Variants in TRAK1 observed in about 807,000 individuals in gnomAD.
TRAK1 encodes the protein trafficking kinesin-binding protein 1.
In TRAK1, 33 loss-of-function variants were observed where a neutral mutation model predicts 92.1. The ratio of observed to expected loss-of-function variants is 0.36; its 90% CI spans 0.27 to 0.48. The LOEUF is 0.48. Among genes scored for constraint, TRAK1 ranks in the 20% least tolerant of loss-of-function variants. TRAK1 has a pLI of 0.99. For missense variants in TRAK1, 1,123 were observed against 1,257.9 expected (o/e 0.89, Z 1.62); for synonymous variants, 521 against 517.3 (o/e 1.01, Z -0.10).
chr3:42,210,213 C>CT (rs1559392798), intron 14 of TRAK1: 4 of 1,544,134 alleles, frequency 2.6e-6, no homozygotes, highest in Non-Finnish European at 3.5e-6. Context: ...AGGCACCATC[C>CT]GTAGTGGTTC....
In TRAK1 at chr3:42,149,626, C is replaced by T. The variant is rs1397534249; in HGVS notation, c.286+24012C>T. ...TAATTATGGCCCCTGCAAAACAGAG[C>T]CGGGATGTATAGGGGTATTGTCTCC... On this transcript the variant is annotated intron_variant, in intron 2 of 15. Coordinates refer to ENST00000327628, the MANE Select transcript of TRAK1 (RefSeq NM_001042646.3). The T allele has an allele frequency of 2.0e-6, 3 of 1,535,706 alleles. No homozygotes were observed. In the African/African-American group the frequency reaches 4.1e-5, roughly 21 times the overall value.
intron 1 of TRAK1, among the ~76,000 whole-genome samples, chr3:42,079,549 C>T (rs554461079): frequency 9.5e-4 from 140 of 146,748 alleles, no homozygotes; most frequent in African/African-American, 3.1e-3. Flanking sequence ...GGTGCAGTCT[C>T]GGCTTACTGC....
intron 1 of TRAK1, among the ~76,000 whole-genome samples, chr3:42,058,866 A>C (rs993983070): frequency 6.6e-6 from 1 of 152,246 alleles, no homozygotes; most frequent in Non-Finnish European, 1.5e-5. Flanking sequence ...ACGATTGGCT[A>C]TAAGACAAAA....
chr3:42,097,481 C>T (rs546032502), intron 1 of TRAK1, among the ~76,000 whole-genome samples: 104 of 152,232 alleles, frequency 6.8e-4, no homozygotes, highest in African/African-American at 2.3e-3. Flanking sequence ...GGTGTATAAA[C>T]GGCAGCAGCC....
chr3:42,124,119 C>A (rs1348806418), intron 1 of TRAK1, among the ~76,000 whole-genome samples: 2 of 143,516 alleles, frequency 1.4e-5, no homozygotes, highest in East Asian at 4.0e-4. Flanking sequence ...GCCTGGGCAA[C>A]AGAGTGAGAC....
chr3:42,140,928 GTA>G (rs1698569630), intron 2 of TRAK1, among the ~76,000 whole-genome samples: 1 of 152,200 alleles, frequency 6.6e-6, no homozygotes, highest in Non-Finnish European at 1.5e-5. Flanking sequence ...TGTGCTAGCA[GTA>G]AGGTGGAGCA....
At chr3:42,049,383 T>C (rs967320100) in intron 1 of TRAK1, among the ~76,000 whole-genome samples, 5 of 152,102 alleles carry the variant, frequency 3.3e-5, no homozygotes, top group South Asian at 2.1e-4. Flanking sequence ...TACTGGGTGG[T>C]ACTTTTAAAA....
chr3:42,024,034 C>T (rs992596293), intron 1 of TRAK1, among the ~76,000 whole-genome samples: 6 of 151,978 alleles, frequency 3.9e-5, no homozygotes, highest in Non-Finnish European at 8.8e-5. Flanking sequence ...GGATTACAGG[C>T]GTGAGCCACC....
chr3:42,160,399 T>G (rs1238279750), intron 2 of TRAK1: 1 of 1,614,194 alleles, frequency 6.2e-7, no homozygotes, highest in Non-Finnish European at 8.5e-7. Context: ...GAAGAATGTT[T>G]TGAATACGAC....
intron 13 of TRAK1, among the ~76,000 whole-genome samples, chr3:42,208,144 G>A (rs1868523): frequency 0.8 from 121,789 of 152,092 alleles, 49,018 homozygotes; most frequent in East Asian, 0.99. Flanking sequence ...ACCCTCTTTC[G>A]TTATAGTCAT....
chr3:42,146,319 A>AC, intron 2 of TRAK1: 1 of 304,816 alleles, frequency 3.3e-6, no homozygotes, highest in East Asian at 8.4e-5. Flanking sequence ...GGTTTTCCTG[A>AC]CCTCAGTATT....
chr3:42,074,573 C>G (rs1704066886), intron 1 of TRAK1, among the ~76,000 whole-genome samples: 1 of 152,044 alleles, frequency 6.6e-6, no homozygotes, highest in Non-Finnish European at 1.5e-5. Context: ...AGCTAGCTTT[C>G]TAGGGTGATT....
rs753003576 is a variant in TRAK1 at position 42,193,112 on chromosome 3, A to C, written c.807A>C (p.Glu269Asp). Residue 269 changes from glutamate (E) to aspartate (D), a missense_variant, in exon 8 of 16, where the codon GAA (glutamate) becomes GAC (aspartate). Glu to Asp is a conservative substitution (Grantham distance 45, BLOSUM62 2). Around this residue, in one of 3 missense-constraint regions of TRAK1, gnomAD observed 686 missense variants for 747.6 expected, o/e 0.92. Coordinates refer to ENST00000327628, the MANE Select transcript of TRAK1 (RefSeq NM_001042646.3). ...ANVQIASISE[E>D]LAKKTEDAAR... The stretch of plus-strand genomic sequence containing the variant: ...TCCAGATTGCTAGTATCTCAGAGGA[A>C]CTGGCCAAGAAGACGGAAGATGCTG... 7 of 1,614,198 alleles carry C rather than the reference A, an allele frequency of 4.3e-6. No homozygotes were observed. The highest frequency in any genetic ancestry group is 5.9e-6 in the Non-Finnish European group (7 of 1,180,016).
intron 14 of TRAK1, among the ~76,000 whole-genome samples, chr3:42,215,889 C>T (rs1189202056): frequency 6.6e-6 from 1 of 152,134 alleles, no homozygotes; most frequent in African/African-American, 2.4e-5. Flanking sequence ...AGCAACATGC[C>T]AAGTACGGTT....
chr3:42,054,436 A>G (rs935904118), intron 1 of TRAK1, among the ~76,000 whole-genome samples: 6 of 152,162 alleles, frequency 3.9e-5, no homozygotes, highest in African/African-American at 2.4e-5. Flanking sequence ...TATTTTAGCA[A>G]TGATAGGAAG....
rs375473649 is a variant in TRAK1, at chr3:42,219,731, C to T, written c.2066+135C>T. ...CCAACTGAAGCCAGTGTAAGCATCT[C>T]AGCATTTGCAGGCACTTGTTCTGGG... is the stretch of plus-strand genomic sequence containing the variant. On this transcript the variant is annotated intron_variant, in intron 15 of 15. Transcript: ENST00000327628. The T allele has an allele frequency of 7.6e-5, 60 of 793,536 alleles. No homozygotes were observed. The South Asian group carries it at 9.3e-4, about 12-fold the overall frequency. 49.2% of individuals were successfully genotyped at this position (793,536 alleles called of 1,614,324 possible).
intron 1 of TRAK1, among the ~76,000 whole-genome samples, chr3:42,059,402 A>T (rs925533720): frequency 1.3e-5 from 2 of 152,210 alleles, no homozygotes; most frequent in Admixed American, 6.5e-5. Flanking sequence ...GACCTGAGTT[A>T]ACCATATTTT....
At chr3:42,102,291 C>A (rs1313290215) in intron 1 of TRAK1, among the ~76,000 whole-genome samples, 1 of 152,208 alleles carries the variant, frequency 6.6e-6, no homozygotes, top group Non-Finnish European at 1.5e-5. Flanking sequence ...CAGCCAAAAT[C>A]TCATTTTACC....
At chr3:42,113,949 A>G in intron 1 of TRAK1, among the ~76,000 whole-genome samples, 1 of 152,122 alleles carries the variant, frequency 6.6e-6, no homozygotes, top group East Asian at 1.9e-4. Context: ...TCATCACCCC[A>G]AAAGGAAACC....
Sources: allele counts gnomAD v4.1 joint callset (sites outside exome capture counted in the v4.1 genomes callset), GRCh38; gene constraint gnomAD v4.1.1; regional missense constraint gnomAD v4.1.1; transcripts MANE v1.5; gene names NCBI Gene and HGNC (gene_info 2026-07-23, HGNC 2026-07-21).